The following PDE10A variants were observed in gnomAD, a reference collection of about 807,000 sequenced individuals.
PDE10A encodes phosphodiesterase 10A.
Under a neutral mutation model 97.7 loss-of-function variants are expected in PDE10A, and 39 were observed. The observed-to-expected ratio is 0.40, with a 90% CI of 0.31 to 0.52. The LOEUF (loss-of-function observed/expected upper bound fraction) is 0.52. Ranked by LOEUF, PDE10A falls within the 20% of genes least tolerant of loss-of-function variation. PDE10A has a pLI of 0.56. For synonymous variants in PDE10A, 371 were observed against 376.8 expected (o/e 0.98, Z 0.18); for missense variants, 731 against 1,047.8 (o/e 0.70, Z 4.17).
At chr6:165,526,888 G>A (rs376949799) in intron 2 of PDE10A, among the ~76,000 whole-genome samples, 1 of 152,278 alleles carries the variant, frequency 6.6e-6, no homozygotes, top group South Asian at 2.1e-4. Flanking sequence ...TCACCTCTCC[G>A]GCTTTGTGTC....
intron 2 of PDE10A, among the ~76,000 whole-genome samples, chr6:165,513,425 T>G (rs1447712176): frequency 6.6e-6 from 1 of 152,124 alleles, no homozygotes; most frequent in East Asian, 1.9e-4. Context: ...CAAAATAAAC[T>G]AACATACAGT....
At chr6:165,485,156 G>A (rs1056825301) in intron 2 of PDE10A, among the ~76,000 whole-genome samples, 7 of 152,098 alleles carry the variant, frequency 4.6e-5, no homozygotes, top group African/African-American at 1.2e-4. Context: ...ATTACCACAC[G>A]GAGACCAAGC....
chr6:165,899,655 A>G lies in PDE10A; in HGVS notation c.-615+87874T>C, dbSNP rs560824699. On this transcript the variant is annotated intron_variant, in intron 1 of 19. Coordinates refer to the PDE10A transcript ENST00000366882. ...ATCCTTTCTAAAGAAGTCACATTCA[A>G]TCTGAGCCCTAAAGGGTGGTACCTG... Among the ~76,000 whole-genome samples the G allele has an allele frequency of 3.4e-4, 52 of 152,324 alleles. 1 individual carries two copies. Among genetic ancestry groups the G allele is most frequent in the African/African-American group, 1.1e-3 (46 of 41,568 alleles).
intron 2 of PDE10A, among the ~76,000 whole-genome samples, chr6:165,496,954 T>A (rs1434592914): frequency 6.6e-6 from 1 of 152,204 alleles, no homozygotes; most frequent in African/African-American, 2.4e-5. Flanking sequence ...AATCAAGAAC[T>A]GGAGTACCAT....
intron 2 of PDE10A, among the ~76,000 whole-genome samples, chr6:165,522,512 C>A (rs967118468): frequency 6.6e-6 from 1 of 151,952 alleles, no homozygotes; most frequent in Non-Finnish European, 1.5e-5. Context: ...AAAAAAAGGT[C>A]TTTTTAAATG....
At chr6:165,656,356 G>A (rs529896412) in intron 1 of PDE10A, among the ~76,000 whole-genome samples, 10 of 150,408 alleles carry the variant, frequency 6.6e-5, no homozygotes, top group East Asian at 2.0e-4. Flanking sequence ...CCAGCCACCT[G>A]GATGTGTGAC....
chr6:165,401,428 A>T (rs1291373903), intron 13 of PDE10A, among the ~76,000 whole-genome samples: 2 of 152,168 alleles, frequency 1.3e-5, no homozygotes, highest in Non-Finnish European at 2.9e-5. Flanking sequence ...TCTTCTAAAT[A>T]CTTTCATTTG....
chr6:165,815,630 C>T (rs548966663), intron 1 of PDE10A, among the ~76,000 whole-genome samples: 13 of 152,270 alleles, frequency 8.5e-5, no homozygotes, highest in Non-Finnish European at 1.5e-4. Flanking sequence ...ACCTGAAAGA[C>T]GGTGCTGAGG....
chr6:165,556,490 G>A (rs1320012730), intron 1 of PDE10A, among the ~76,000 whole-genome samples: 2 of 152,100 alleles, frequency 1.3e-5, no homozygotes, highest in Admixed American at 1.3e-4. Context: ...TAGCTAATTT[G>A]GATTAAAGGG....
chr6:165,983,068 G>GTCAC, intron 1 of PDE10A, among the ~76,000 whole-genome samples: 1 of 151,002 alleles, frequency 6.6e-6, no homozygotes, highest in Non-Finnish European at 1.5e-5. Context: ...ACAATTTTAC[G>GTCAC]ACACACACAC....
chr6:165,879,224 C>T (rs1781416060), intron 1 of PDE10A, among the ~76,000 whole-genome samples: 2 of 152,164 alleles, frequency 1.3e-5, no homozygotes, highest in South Asian at 4.1e-4. Context: ...AAAGGTATAA[C>T]ATTCATACAA....
At chr6:165,413,942 C>A (rs1583235263) in intron 12 of PDE10A, among the ~76,000 whole-genome samples, 1 of 152,070 alleles carries the variant, frequency 6.6e-6, no homozygotes, top group Non-Finnish European at 1.5e-5. Flanking sequence ...CTCTAAGAGG[C>A]TTTCAGCTTA....
intron 1 of PDE10A, among the ~76,000 whole-genome samples, chr6:165,699,759 A>T (rs565445906): frequency 6.6e-6 from 1 of 152,330 alleles, no homozygotes; most frequent in East Asian, 1.9e-4. Flanking sequence ...TCAAAAAGAA[A>T]ATCAGAAAAT....
intron 1 of PDE10A, among the ~76,000 whole-genome samples, chr6:165,714,334 TCA>T (rs1398573725): frequency 6.6e-6 from 1 of 151,638 alleles, no homozygotes; most frequent in East Asian, 1.9e-4. Flanking sequence ...GGAACAGGAG[TCA>T]CAGGTTTGCC....
At chr6:165,984,590 C>T (rs1001507142) in intron 1 of PDE10A, among the ~76,000 whole-genome samples, 1 of 152,190 alleles carries the variant, frequency 6.6e-6, no homozygotes, top group Non-Finnish European at 1.5e-5. Context: ...GCGTATGGAG[C>T]TGATGAATTT....
At chr6:165,754,443 CATT>C (rs139304783) in intron 1 of PDE10A, 1 of 152,302 alleles carries the variant, frequency 6.6e-6, no homozygotes, top group African/African-American at 2.4e-5. Context: ...TATAGATACT[CATT>C]ATAGCATTTC....
chr6:165,820,716 C>A (rs1173811373), intron 1 of PDE10A, among the ~76,000 whole-genome samples: 2 of 152,308 alleles, frequency 1.3e-5, no homozygotes, highest in East Asian at 1.9e-4. Flanking sequence ...ACGCACTTCC[C>A]TTTCCATTGC....
chr6:165,495,511 A>G (rs1780484505), intron 2 of PDE10A, among the ~76,000 whole-genome samples: 2 of 151,588 alleles, frequency 1.3e-5, no homozygotes, highest in Non-Finnish European at 2.9e-5. Context: ...TTCCCTATTA[A>G]GTCAATTTTA....
chr6:165,445,881 G>T (rs1280549885), intron 5 of PDE10A, among the ~76,000 whole-genome samples: 2 of 147,628 alleles, frequency 1.4e-5, no homozygotes, highest in Non-Finnish European at 3.0e-5. Flanking sequence ...TGGAAGAATA[G>T]AATTCACAGT....
Sources: gnomAD v4.1 joint callset for allele counts (sites outside exome capture counted in the v4.1 genomes callset) on GRCh38, gnomAD v4.1.1 for gene constraint, MANE v1.5 for transcripts, NCBI Gene and HGNC (gene_info 2026-07-23, HGNC 2026-07-21) for gene names.